The following CTNNA2 variants were observed in gnomAD, a reference collection of about 807,000 sequenced individuals.
CTNNA2 encodes the protein catenin alpha 2, also known as catenin alpha-2.
A neutral mutation model predicts 101.0 loss-of-function variants in CTNNA2; 42 were observed. The observed-to-expected ratio is 0.42, with a 90% confidence interval of 0.32 to 0.54. The LOEUF (loss-of-function observed/expected upper bound fraction) is 0.54. CTNNA2 is among the 20% of genes least tolerant of loss of function. CTNNA2 has a pLI of 0.14. For synonymous variants in CTNNA2, 450 were observed against 456.4 expected (o/e 0.99, Z 0.18); for missense variants, 871 against 1,223.1 (o/e 0.71, Z 4.29).
At chr2:79,419,707 T>C (rs764695061) in intron 4 of CTNNA2, among the ~76,000 whole-genome samples, 1 of 152,152 alleles carries the variant, frequency 6.6e-6, no homozygotes, top group Non-Finnish European at 1.5e-5. Context: ...ACAGACAAAA[T>C]GAACAAGTTA....
intron 7 of CTNNA2, among the ~76,000 whole-genome samples, chr2:80,156,323 A>G (rs1035192178): frequency 6.6e-6 from 1 of 152,180 alleles, no homozygotes; most frequent in African/African-American, 2.4e-5. Context: ...TGATCGTTTT[A>G]TGGTTTCTAA....
chr2:79,658,035 A>T (rs945727272), intron 2 of CTNNA2, among the ~76,000 whole-genome samples: 1 of 151,936 alleles, frequency 6.6e-6, no homozygotes, highest in Non-Finnish European at 1.5e-5. Context: ...TATACAAAAA[A>T]TAATTTTGTA....
intron 9 of CTNNA2, among the ~76,000 whole-genome samples, chr2:80,471,628 TG>T (rs1267327837): frequency 6.6e-6 from 1 of 152,218 alleles, no homozygotes; most frequent in Non-Finnish European, 1.5e-5. Flanking sequence ...GTTTAACTCA[TG>T]GATATGGCCA....
upstream of CTNNA2, chr2:79,512,903 A>G (rs1419808710): frequency 6.7e-6 from 1 of 149,520 alleles, no homozygotes; most frequent in Non-Finnish European, 1.5e-5. Flanking sequence ...CGAGCGAGCA[A>G]GCGGCCGCGC....
intron 2 of CTNNA2, among the ~76,000 whole-genome samples, chr2:79,285,484 T>G (rs1675543623): frequency 1.4e-5 from 2 of 144,374 alleles, no homozygotes; most frequent in African/African-American, 2.6e-5. Flanking sequence ...AAAGAACATC[T>G]TTATTTCTGC....
chr2:79,848,835 A>G (rs2103889391), intron 3 of CTNNA2, among the ~76,000 whole-genome samples: 1 of 152,250 alleles, frequency 6.6e-6, no homozygotes, highest in Non-Finnish European at 1.5e-5. Context: ...TTGTCACAGA[A>G]CCATGTGGCT....
At chr2:79,196,168 G>A (rs1283693678) in intron 1 of CTNNA2, among the ~76,000 whole-genome samples, 3 of 152,058 alleles carry the variant, frequency 2.0e-5, no homozygotes, top group African/African-American at 2.4e-5. Context: ...TCCTGACCTC[G>A]TGATCCACCC....
chr2:79,322,955 T>G (rs565243640), intron 3 of CTNNA2, among the ~76,000 whole-genome samples: 3 of 152,240 alleles, frequency 2.0e-5, no homozygotes, highest in Admixed American at 1.3e-4. Context: ...TTTCTATGCC[T>G]GGTTATTTCC....
intron 7 of CTNNA2, among the ~76,000 whole-genome samples, chr2:79,962,944 G>C (rs1432709065): frequency 2.0e-5 from 3 of 151,150 alleles, no homozygotes; most frequent in African/African-American, 7.3e-5. Context: ...AGTGGCGGGC[G>C]CCTGTAGTCC....
At chr2:79,347,955 C>T (rs142722498) in intron 3 of CTNNA2, among the ~76,000 whole-genome samples, 3 of 151,894 alleles carry the variant, frequency 2.0e-5, no homozygotes, top group Admixed American at 6.6e-5. Context: ...CTTGGCACAC[C>T]CCATTTAATA....
chr2:79,558,933 TCTC>T (rs1674605834), intron 1 of CTNNA2, among the ~76,000 whole-genome samples: 1 of 151,770 alleles, frequency 6.6e-6, no homozygotes, highest in Non-Finnish European at 1.5e-5. Flanking sequence ...CTCCTTTCTC[TCTC>T]CTCTCTTTCT....
intron 18 of CTNNA2, among the ~76,000 whole-genome samples, chr2:80,632,565 T>A (rs555834985): frequency 2.6e-5 from 4 of 152,176 alleles, no homozygotes; most frequent in African/African-American, 7.2e-5. Flanking sequence ...TGGAAAAAAA[T>A]AAGATCGTAA....
intron 3 of CTNNA2, among the ~76,000 whole-genome samples, chr2:79,315,495 C>T (rs1373539873): frequency 6.6e-6 from 1 of 152,158 alleles, no homozygotes; most frequent in African/African-American, 2.4e-5. Context: ...AAAATGGAAT[C>T]TTACAATGCA....
chr2:79,603,029 T>G (rs2104101022), intron 1 of CTNNA2, among the ~76,000 whole-genome samples: 1 of 152,240 alleles, frequency 6.6e-6, no homozygotes, highest in South Asian at 2.1e-4. Context: ...GAGGCTTTAT[T>G]TTAAAGCCAC....
chr2:80,186,573 ATGTT>A (rs1409604835), intron 7 of CTNNA2, among the ~76,000 whole-genome samples: 1 of 152,234 alleles, frequency 6.6e-6, no homozygotes, highest in Non-Finnish European at 1.5e-5. Flanking sequence ...CACATTAACA[ATGTT>A]TGTTTGTATT....
chr2:79,568,201 GTTATTC>G (rs1447786514), intron 1 of CTNNA2, among the ~76,000 whole-genome samples: 3 of 152,162 alleles, frequency 2.0e-5, no homozygotes, highest in South Asian at 2.1e-4. Context: ...TTATTTCAGA[GTTATTC>G]TTATTATGTA....
intron 7 of CTNNA2, among the ~76,000 whole-genome samples, chr2:80,390,671 G>T (rs540242926): frequency 6.6e-6 from 1 of 152,086 alleles, no homozygotes; most frequent in East Asian, 1.9e-4. Flanking sequence ...AAATATATCC[G>T]CACTGTTTTT....
intron 2 of CTNNA2, among the ~76,000 whole-genome samples, chr2:79,209,988 G>A (rs1024406976): frequency 1.5e-4 from 23 of 151,692 alleles, no homozygotes; most frequent in African/African-American, 2.7e-4. Flanking sequence ...GGGGTGTGGC[G>A]GGGGTATTGG....
At chr2:80,304,951 G>A (rs1010720167) in intron 7 of CTNNA2, 1 of 460,328 alleles carries the variant, frequency 2.2e-6, no homozygotes, top group Non-Finnish European at 2.8e-6. Flanking sequence ...GGGAGGTGGA[G>A]GTAGGGGTAG....
Sources: gnomAD v4.1 joint callset for allele counts (sites outside exome capture counted in the v4.1 genomes callset) on GRCh38, gnomAD v4.1.1 for gene constraint, MANE v1.5 for transcripts, NCBI Gene and HGNC (gene_info 2026-07-23, HGNC 2026-07-21) for gene names.